The following DDX39B variants were observed in gnomAD, a reference collection of about 807,000 sequenced individuals.
The protein encoded by DDX39B is DExD-box helicase 39B.
In DDX39B, 6 loss-of-function variants were observed where a neutral mutation model predicts 46.4. The observed-to-expected ratio is 0.13, with a 90% CI of 0.07 to 0.26. The LOEUF is 0.26. DDX39B is among the 10% of genes least tolerant of loss of function. DDX39B has a pLI of 1.00. For synonymous variants in DDX39B, 174 were observed against 199.4 expected (o/e 0.87, Z 1.07); for missense variants, 185 against 553.4 (o/e 0.33, Z 6.68).
chr6:31,540,962 A>G, intron 1 of DDX39B: 1 of 421,304 alleles, frequency 2.4e-6, no homozygotes, highest in Non-Finnish European at 4.6e-6. Context: ...AGGAAATAGA[A>G]TAGATAATAA....
rs1174134284 is a variant in DDX39B, at chr6:31,535,949, C to A, written c.617-464G>T. 2.0e-5 allele frequency among the ~76,000 whole-genome samples: 3 copies of A among 152,302 alleles called. No homozygotes were observed. The highest frequency in any genetic ancestry group is 2.1e-4 in the South Asian group (1 of 4,830). On this transcript the variant is annotated intron_variant, in intron 5 of 10. Transcript: ENST00000396172. The surrounding 1 kb of genome is among the most constrained non-coding windows in gnomAD (Gnocchi z 4.6). ...CTCACCATATAGAATTGCCAAAGAT[C>A]ATTTGTAATGACTTATGGGGCCTAT...
At chr6:31,538,227 C>T (rs1004633130) in intron 4 of DDX39B, among the ~76,000 whole-genome samples, 1 of 152,014 alleles carries the variant, frequency 6.6e-6, no homozygotes, top group African/African-American at 2.4e-5. Flanking sequence ...ACAATCCCAG[C>T]TCACTACAAC....
chr6:31,530,452 TGAG>T lies in DDX39B; in HGVS notation c.1271-5_1271-3del, dbSNP rs1767029933. On this transcript the variant is annotated splice_polypyrimidine_tract_variant and splice_region_variant and intron_variant, in intron 10 of 10. Coordinates refer to ENST00000396172, the MANE Select transcript of DDX39B (RefSeq NM_004640.7). This position sits in a 1 kb window ranked among gnomAD's most constrained non-coding sequence, Gnocchi z 4.5. ...GAGTCTTCTACCGTGTCTGTTCAAC[TGAG>T]AAGAAAACGTAGCATGGTCAGAATA... 1 of 1,610,912 alleles carries T rather than the reference TGAG, an allele frequency of 6.2e-7. No individual in the cohort carries two copies. The highest frequency in any genetic ancestry group is 1.7e-5 in the Admixed American group (1 of 59,906).
rs555292301 is a variant in DDX39B, at chr6:31,541,503, T to C, written c.-133+447A>G. On this transcript the variant is annotated intron_variant, in intron 1 of 10. Coordinates refer to ENST00000396172, the MANE Select transcript of DDX39B (RefSeq NM_004640.7). ...CACTTGGAAGGCACTCCAAATTAAG[T>C]TGGGCAAGTCAAGGTGAGAAAAATC... The C allele has an allele frequency of 1.0e-4, 40 of 390,702 alleles. 1 individual carries two copies. The highest frequency in any genetic ancestry group is 7.1e-4 in the South Asian group (36 of 50,688). The allele number at this position is 390,702 out of a possible 1,614,324, so 24.2% of individuals were successfully genotyped here. A position where few individuals can be genotyped will look rare whatever the true frequency, so the allele number is the denominator to read the frequency against.
Position 31,531,505 on chromosome 6 carries a change from T to C in DDX39B, c.868-100A>G, listed in dbSNP as rs1300600712. ...AGAGGGGAGTTTCTAGTAATTACGT[T>C]CTCAGGAATTCCTCTTCATTTCTCT... On this transcript the variant is annotated intron_variant, in intron 7 of 10. Transcript: ENST00000396172. This position sits in a 1 kb window ranked among gnomAD's most constrained non-coding sequence, Gnocchi z 5.8. The C allele has an allele frequency of 1.1e-6, 1 of 923,610 alleles. No individual in the cohort carries two copies. 57.2% of individuals were successfully genotyped at this position (923,610 alleles called of 1,614,324 possible). A position where few individuals can be genotyped will look rare whatever the true frequency, so the allele number is the denominator to read the frequency against.
At chr6:31,541,884 C>T in intron 1 of DDX39B, 66 bp downstream of exon 1, 1 of 633,534 alleles carries the variant, frequency 1.6e-6, no homozygotes. Flanking sequence ...TATCAGGAAC[C>T]CATGTGACGG....
In DDX39B at chr6:31,530,882, T is replaced by C. The variant is rs575065677; in HGVS notation, c.1167A>G (p.Thr389=). Residue 389 remains threonine, a synonymous_variant, in exon 10 of 11, where the codon ACA becomes ACG. Coordinates refer to ENST00000396172, the MANE Select transcript of DDX39B (RefSeq NM_004640.7). The surrounding 1 kb of genome is among the most constrained non-coding windows in gnomAD (Gnocchi z 4.5). ...GRFGTKGLAI[T]FVSDENDAKI... is the part of the protein sequence containing the mutation. Reference sequence around the variant, plus strand: ...TGGCATCATTCTCATCGGACACAAATGTGATAGCCAAGCCCTTGGTGCCAA... The same window carrying C: ...TGGCATCATTCTCATCGGACACAAACGTGATAGCCAAGCCCTTGGTGCCAA... 5.0e-6 allele frequency: 8 copies of C among 1,614,074 alleles called. No homozygotes were observed. The African/African-American group carries it at 5.3e-5, about 11-fold the overall frequency.
At position 31,530,668 on chromosome 6, in the gene DDX39B, C is replaced by G; in HGVS notation, c.1270+111G>C. 4.8e-6 allele frequency: 7 copies of G among 1,449,474 alleles called. No individual in the cohort carries two copies. The highest frequency in any genetic ancestry group is 6.6e-6 in the Non-Finnish European group (7 of 1,059,036). 89.8% of individuals were successfully genotyped at this position (1,449,474 alleles called of 1,614,324 possible). On this transcript the variant is annotated intron_variant, in intron 10 of 10. Coordinates refer to ENST00000396172, the MANE Select transcript of DDX39B (RefSeq NM_004640.7). This position sits in a 1 kb window ranked among gnomAD's most constrained non-coding sequence, Gnocchi z 4.5. ...GCATCAAAGACCAGGGGGCATGAAC[C>G]AGTCAAGTGTCCATTATGCATCAGA...
intron 2 of DDX39B, 83 bp downstream of exon 2, chr6:31,540,239 A>G (rs770443568): frequency 1.7e-5 from 25 of 1,457,346 alleles, no homozygotes; most frequent in African/African-American, 1.4e-5. Context: ...AACCCTTACC[A>G]CCACCTGAGC....
At chr6:31,536,217 G>C (rs1409366193) in intron 5 of DDX39B, among the ~76,000 whole-genome samples, 1 of 152,166 alleles carries the variant, frequency 6.6e-6, no homozygotes, top group African/African-American at 2.4e-5. Flanking sequence ...CCCAGTATAT[G>C]AATCTATAAT....
chr6:31,532,161 GT>G (rs1051945938), intron 7 of DDX39B, among the ~76,000 whole-genome samples: 13 of 152,208 alleles, frequency 8.5e-5, no homozygotes, highest in South Asian at 4.1e-4. Flanking sequence ...TGAATAAGCA[GT>G]TATTAGAGGA....
chr6:31,532,621 C>T (rs1767298590), intron 7 of DDX39B, 159 bp downstream of exon 7: 2 of 884,270 alleles, frequency 2.3e-6, no homozygotes, highest in Non-Finnish European at 3.4e-6. Context: ...AAAAGCAGCT[C>T]CCACCTTACT....
At chr6:31,536,264 T>TTA in intron 5 of DDX39B, 1 of 636,368 alleles carries the variant, frequency 1.6e-6, no homozygotes, top group South Asian at 1.7e-5. Flanking sequence ...ATGCCTAAAA[T>TTA]TATCAAAGTC....
chr6:31,541,183 G>A, intron 1 of DDX39B: 1 of 533,624 alleles, frequency 1.9e-6, no homozygotes, highest in South Asian at 1.4e-5. Flanking sequence ...TATGGCCGCC[G>A]TCCACCTCCC....
chr6:31,536,332 A>T (rs1767777910), intron 5 of DDX39B, 168 bp downstream of exon 5: 3 of 934,664 alleles, frequency 3.2e-6, no homozygotes, highest in South Asian at 1.3e-5. Context: ...GACACCCTTT[A>T]CTGTGCTTAA....
In DDX39B at chr6:31,530,688, A is replaced by T; in HGVS notation, c.1270+91T>A. 6.5e-7 allele frequency: 1 copy of T among 1,527,560 alleles called. No individual in the cohort carries two copies. The highest frequency in any genetic ancestry group is 8.9e-7 in the Non-Finnish European group (1 of 1,122,956). The allele number at this position is 1,527,560 out of a possible 1,614,324, so 94.6% of individuals were successfully genotyped here. ...TGAACCAGTCAAGTGTCCATTATGC[A>T]TCAGATGCCCATGACCTATGTGATG... On this transcript the variant is annotated intron_variant, in intron 10 of 10. Coordinates refer to ENST00000396172, the MANE Select transcript of DDX39B (RefSeq NM_004640.7). The surrounding 1 kb of genome is among the most constrained non-coding windows in gnomAD (Gnocchi z 4.5).
At chr6:31,536,477 C>A (rs773774748) in intron 5 of DDX39B, 23 bp downstream of exon 5, 2 of 1,612,966 alleles carry the variant, frequency 1.2e-6, no homozygotes, top group Non-Finnish European at 1.7e-6. Context: ...CAGCATTAGC[C>A]AAGCCCCAGC....
At chr6:31,533,160 T>C (rs1767381296) in intron 6 of DDX39B, 1 of 405,198 alleles carries the variant, frequency 2.5e-6, no homozygotes, top group African/African-American at 2.0e-5. Context: ...GGAAAGAAAC[T>C]GCAAATGAAG....
Position 31,540,597 on chromosome 6 carries a change from C to A in DDX39B, c.-65G>T. On this transcript the variant is annotated 5_prime_UTR_variant, in exon 2 of 11. Transcript: ENST00000396172. ...TGGGTTCTCGCAAAATAGGTGAAAA[C>A]AAGGGGTGAAGAGTAGGGGATTGAG... The A allele has an allele frequency of 6.6e-7, 1 of 1,504,752 alleles. No individual in the cohort carries two copies. The highest frequency in any genetic ancestry group is 9.2e-7 in the Non-Finnish European group (1 of 1,087,842). 93.2% of individuals were successfully genotyped at this position (1,504,752 alleles called of 1,614,324 possible).
Sources: allele counts gnomAD v4.1 joint callset (sites outside exome capture counted in the v4.1 genomes callset), GRCh38; gene constraint gnomAD v4.1.1; non-coding constraint Gnocchi (gnomAD v3.1); transcripts MANE v1.5; gene names NCBI Gene and HGNC (gene_info 2026-07-23, HGNC 2026-07-21).